CCSER1: variants seen among roughly 807,000 people sequenced by gnomAD.
CCSER1 encodes serine-rich coiled-coil domain-containing protein 1.
A neutral mutation model predicts 82.0 loss-of-function variants in CCSER1; 41 were observed. The observed-to-expected ratio is 0.50, with a 90% confidence interval of 0.39 to 0.65. The LOEUF (loss-of-function observed/expected upper bound fraction) is 0.65. Among genes scored for constraint, CCSER1 ranks in the 30% least tolerant of loss-of-function variants. The pLI is 0.00. For synonymous variants in CCSER1, 414 were observed against 383.9 expected (o/e 1.08, Z -0.92); for missense variants, 1,119 against 1,064.2 (o/e 1.05, Z -0.72).
intron 7 of CCSER1, among the ~76,000 whole-genome samples, chr4:90,799,677 G>A (rs1307441471): frequency 6.6e-6 from 1 of 152,172 alleles, no homozygotes; most frequent in Non-Finnish European, 1.5e-5. Context: ...TTCAGGTCCA[G>A]CAGTTCCCCA....
intron 5 of CCSER1, among the ~76,000 whole-genome samples, chr4:90,594,663 C>T (rs929864190): frequency 6.6e-6 from 1 of 152,108 alleles, no homozygotes; most frequent in Non-Finnish European, 1.5e-5. Flanking sequence ...AAAGTCTCCA[C>T]TAAACGTTTC....
intron 10 of CCSER1, among the ~76,000 whole-genome samples, chr4:91,098,401 T>G (rs1297192625): frequency 2.0e-5 from 3 of 152,178 alleles, no homozygotes; most frequent in African/African-American, 7.2e-5. Flanking sequence ...TGATTTCAAC[T>G]GGAACAAAAT....
At chr4:91,511,789 TC>T (rs1304069364) in intron 10 of CCSER1, among the ~76,000 whole-genome samples, 2 of 152,168 alleles carry the variant, frequency 1.3e-5, no homozygotes, top group Admixed American at 1.3e-4. Context: ...AGCTCAGGAC[TC>T]CCACTGATTC....
chr4:91,076,749 A>T (rs932912878), intron 9 of CCSER1, among the ~76,000 whole-genome samples: 3 of 152,212 alleles, frequency 2.0e-5, no homozygotes, highest in African/African-American at 7.2e-5. Context: ...AAAGGCTATG[A>T]TCTTCAAGAG....
At chr4:90,911,839 G>A (rs969444711) in intron 8 of CCSER1, among the ~76,000 whole-genome samples, 1 of 152,138 alleles carries the variant, frequency 6.6e-6, no homozygotes, top group African/African-American at 2.4e-5. Context: ...TATATTCCAC[G>A]CCTGGCTCAG....
At chr4:91,596,578 C>T (rs1764590183) in intron 10 of CCSER1, among the ~76,000 whole-genome samples, 1 of 151,966 alleles carries the variant, frequency 6.6e-6, no homozygotes, top group South Asian at 2.1e-4. Flanking sequence ...CTAATAGGTC[C>T]ATAGCCTAGA....
At chr4:91,437,628 G>A (rs954248108) in intron 10 of CCSER1, among the ~76,000 whole-genome samples, 31 of 152,172 alleles carry the variant, frequency 2.0e-4, no homozygotes, top group African/African-American at 6.5e-4. Context: ...GACAGTGGGC[G>A]CAGGACAGTG....
chr4:90,587,759 T>C (rs897109519), intron 5 of CCSER1, among the ~76,000 whole-genome samples: 1 of 152,236 alleles, frequency 6.6e-6, no homozygotes, highest in African/African-American at 2.4e-5. Context: ...TAGATTATTT[T>C]GCCTAGATTC....
At chr4:91,419,777 A>G (rs1330069653) in intron 10 of CCSER1, among the ~76,000 whole-genome samples, 1 of 152,078 alleles carries the variant, frequency 6.6e-6, no homozygotes, top group Non-Finnish European at 1.5e-5. Flanking sequence ...ATCTGGAGAC[A>G]TCACATGTAC....
intron 10 of CCSER1, among the ~76,000 whole-genome samples, chr4:91,105,396 T>A (rs1336736158): frequency 3.5e-5 from 4 of 114,272 alleles, no homozygotes; most frequent in Non-Finnish European, 5.3e-5. Flanking sequence ...TTCCAACCAC[T>A]AACAGTAAAC....
intron 3 of CCSER1, among the ~76,000 whole-genome samples, chr4:90,389,169 T>C (rs1341089386): frequency 6.6e-6 from 1 of 152,190 alleles, no homozygotes; most frequent in Non-Finnish European, 1.5e-5. Flanking sequence ...TCTCTTTGGC[T>C]AACTCCAGCA....
chr4:91,085,909 C>A (rs776169829), intron 9 of CCSER1, 41 bp from the exon 10 acceptor site: 48 of 1,118,402 alleles, frequency 4.3e-5, no homozygotes, highest in Non-Finnish European at 5.5e-5. Context: ...TTATTTAATT[C>A]TTCGTTGCCA....
chr4:91,423,152 G>A (rs534903485), intron 10 of CCSER1, among the ~76,000 whole-genome samples: 3 of 152,088 alleles, frequency 2.0e-5, no homozygotes, highest in Non-Finnish European at 1.5e-5. Flanking sequence ...CTGGCCTGGC[G>A]CTGTGGCTCA....
At chr4:91,143,434 T>A (rs1039437651) in intron 10 of CCSER1, among the ~76,000 whole-genome samples, 1 of 152,134 alleles carries the variant, frequency 6.6e-6, no homozygotes, top group Admixed American at 6.6e-5. Context: ...TGAAGAGAGA[T>A]AATTTGACTT....
intron 9 of CCSER1, among the ~76,000 whole-genome samples, chr4:91,073,292 A>C (rs1440028352): frequency 7.2e-5 from 11 of 152,128 alleles, no homozygotes; most frequent in African/African-American, 2.4e-4. Flanking sequence ...AAATTTCAAC[A>C]TAGCCTAGGG....
intron 8 of CCSER1, among the ~76,000 whole-genome samples, chr4:90,861,341 A>C (rs141954466): frequency 2.0e-5 from 3 of 151,774 alleles, no homozygotes; most frequent in African/African-American, 7.2e-5. Context: ...TTTGTAGCTT[A>C]TGATTCTAAT....
chr4:90,276,251 T>TTTCTTTCTTTCTTCCTTTCCTTCCTTCC (rs1727659770), intron 1 of CCSER1, among the ~76,000 whole-genome samples: 1 of 76,828 alleles, frequency 1.3e-5, no homozygotes, highest in African/African-American at 5.1e-5. Context: ...TCTTTCTTTC[T>TTTCTTTCTTTCTTCCTTTCCTTCCTTCC]TTCCTTCCTT....
intron 10 of CCSER1, among the ~76,000 whole-genome samples, chr4:91,490,923 T>TATATATATAA (rs1758499199): frequency 1.2e-5 from 1 of 84,112 alleles, no homozygotes; most frequent in African/African-American, 5.0e-5. Flanking sequence ...TATATATATA[T>TATATATATAA]ATATAAAATA....
intron 1 of CCSER1, among the ~76,000 whole-genome samples, chr4:90,168,640 C>A (rs1421445471): frequency 3.9e-5 from 6 of 151,984 alleles, no homozygotes; most frequent in Non-Finnish European, 7.4e-5. Context: ...TCCACCTTGA[C>A]TTAATTTTTG....
Sources: allele counts gnomAD v4.1 joint callset (sites outside exome capture counted in the v4.1 genomes callset), GRCh38; gene constraint gnomAD v4.1.1; transcripts MANE v1.5; gene names NCBI Gene and HGNC (gene_info 2026-07-23, HGNC 2026-07-21).